KDM4C: variants seen among roughly 807,000 people sequenced by gnomAD.
KDM4C encodes the protein lysine-specific demethylase 4C.
Under a neutral mutation model 129.3 loss-of-function variants are expected in KDM4C, and 81 were observed. That is an observed-to-expected ratio of 0.63 (90% CI 0.52 to 0.75). KDM4C has a LOEUF of 0.75. KDM4C is among the 30% of genes least tolerant of loss of function. The probability of loss-of-function intolerance (pLI) is 0.00; values close to 1 mark genes in which losing one functional copy is unlikely to be tolerated. For missense variants in KDM4C, 1,457 were observed against 1,304.0 expected, an observed-to-expected ratio of 1.12 and a Z score of -1.81; for synonymous variants, 573 against 456.1, an observed-to-expected ratio of 1.26 and a Z score of -3.26.
At chr9:7,005,517 A>G (rs947217263) in intron 12 of KDM4C, among the ~76,000 whole-genome samples, 5 of 150,194 alleles carry the variant, frequency 3.3e-5, no homozygotes, top group African/African-American at 1.3e-4. Context: ...ACTCTAATTT[A>G]TTTAACTAAA....
At chr9:6,806,450 C>A (rs148869708) in intron 3 of KDM4C, among the ~76,000 whole-genome samples, 1 of 151,852 alleles carries the variant, frequency 6.6e-6, no homozygotes, top group Non-Finnish European at 1.5e-5. Context: ...GCCGAGATCA[C>A]GCCATTGCAC....
chr9:7,099,368 G>C (rs989761496), intron 17 of KDM4C, among the ~76,000 whole-genome samples: 7 of 152,256 alleles, frequency 4.6e-5, no homozygotes, highest in Middle Eastern at 3.4e-3. Flanking sequence ...GATATACAAA[G>C]CCTCATTGCC....
intron 2 of KDM4C, among the ~76,000 whole-genome samples, chr9:6,798,796 T>C (rs1828277271): frequency 6.6e-6 from 1 of 152,190 alleles, no homozygotes; most frequent in Admixed American, 6.5e-5. Context: ...GAGGGGCTCC[T>C]CACTTCCCCG....
intron 4 of KDM4C, among the ~76,000 whole-genome samples, chr9:6,832,057 C>G (rs76187140): frequency 3.9e-5 from 6 of 152,126 alleles, no homozygotes; most frequent in Admixed American, 3.9e-4. Flanking sequence ...TTGAATTTGT[C>G]GGCTGGGTGC....
intron 21 of KDM4C, among the ~76,000 whole-genome samples, chr9:7,173,278 A>G (rs1176049035): frequency 6.6e-6 from 1 of 152,228 alleles, no homozygotes; most frequent in Non-Finnish European, 1.5e-5. Flanking sequence ...CACAGAAATG[A>G]AACAGTGTGT....
intron 5 of KDM4C, among the ~76,000 whole-genome samples, chr9:6,856,162 T>G (rs990602915): frequency 6.9e-6 from 1 of 144,358 alleles, no homozygotes; most frequent in Non-Finnish European, 1.5e-5. Flanking sequence ...GAACTCTTTA[T>G]TTGAAGATCA....
chr9:6,802,095 A>C (rs1829098428), intron 2 of KDM4C, among the ~76,000 whole-genome samples: 1 of 148,732 alleles, frequency 6.7e-6, no homozygotes, highest in African/African-American at 2.5e-5. Flanking sequence ...ACAAAAGAGA[A>C]ACTTTGTCTC....
At chr9:7,023,801 T>A (rs755078399) in intron 15 of KDM4C, among the ~76,000 whole-genome samples, 14 of 152,220 alleles carry the variant, frequency 9.2e-5, no homozygotes, top group Non-Finnish European at 1.8e-4. Flanking sequence ...TTGCTTTTGC[T>A]GTATCCCATA....
At chr9:6,985,741 A>G (rs1324211696) in intron 10 of KDM4C, among the ~76,000 whole-genome samples, 1 of 152,144 alleles carries the variant, frequency 6.6e-6, no homozygotes, top group Non-Finnish European at 1.5e-5. Flanking sequence ...CCCAGGCTGG[A>G]GTGCCGTGGC....
At chr9:6,941,787 G>C (rs998521944) in intron 8 of KDM4C, 2 of 152,274 alleles carry the variant, frequency 1.3e-5, no homozygotes, top group African/African-American at 4.8e-5. Context: ...TCTGTACCTA[G>C]GAGTCTGTAG....
intron 17 of KDM4C, among the ~76,000 whole-genome samples, chr9:7,071,749 C>G (rs1289487150): frequency 6.6e-5 from 10 of 152,042 alleles, no homozygotes; most frequent in Non-Finnish European, 1.5e-5. Flanking sequence ...AAAATTTTGA[C>G]CCATTAAAAC....
chr9:7,010,886 C>CA (rs922774526), intron 12 of KDM4C, among the ~76,000 whole-genome samples: 3 of 151,476 alleles, frequency 2.0e-5, no homozygotes, highest in African/African-American at 4.9e-5. Context: ...ACTAAAAATA[C>CA]AAAAAAAATT....
chr9:6,737,700 A>C (rs2130245754), intron 1 of KDM4C, among the ~76,000 whole-genome samples: 1 of 151,454 alleles, frequency 6.6e-6, no homozygotes, highest in East Asian at 1.9e-4. Context: ...AGCAAAGGAC[A>C]TGAACAGATA....
At chr9:7,134,165 G>A (rs1425632517) in intron 19 of KDM4C, among the ~76,000 whole-genome samples, 1 of 152,194 alleles carries the variant, frequency 6.6e-6, no homozygotes, top group African/African-American at 2.4e-5. Flanking sequence ...GAGGTCTGCA[G>A]GCATGGCCCA....
At chr9:7,051,107 TAGC>T (rs1439050565) in intron 17 of KDM4C, among the ~76,000 whole-genome samples, 3 of 152,156 alleles carry the variant, frequency 2.0e-5, no homozygotes, top group African/African-American at 4.8e-5. Context: ...TGGATGAAAA[TAGC>T]AGCCTCTTGA....
At position 6,834,620 on chromosome 9, in the gene KDM4C, G is replaced by A. The variant is rs906011268; in HGVS notation, c.436-14887G>A. ...GGGTCGGAAGGACTCCCATGTGGGCGACGAGGCCTAGAGCAAGAGAGGCAT... is the reference window on the plus strand; with the variant it reads ...GGGTCGGAAGGACTCCCATGTGGGCAACGAGGCCTAGAGCAAGAGAGGCAT... On this transcript the variant is annotated intron_variant, in intron 4 of 21. Transcript: ENST00000381309. 3.7e-5 allele frequency: 28 copies of A among 762,918 alleles called. 1 individual carries two copies. The highest frequency in any genetic ancestry group is 2.8e-4 in the South Asian group (20 of 72,552). 47.3% of individuals were successfully genotyped at this position (762,918 alleles called of 1,614,324 possible). A position where few individuals can be genotyped will look rare whatever the true frequency, so the allele number is the denominator to read the frequency against.
At chr9:6,776,795 GGGTTT>G (rs1205463682) in intron 1 of KDM4C, among the ~76,000 whole-genome samples, 1 of 150,288 alleles carries the variant, frequency 6.7e-6, no homozygotes, top group Non-Finnish European at 1.5e-5. Flanking sequence ...AGTAGAGACA[GGGTTT>G]CACCATCTTG....
chr9:6,762,870 G>A (rs1358259984), intron 1 of KDM4C, among the ~76,000 whole-genome samples: 1 of 151,808 alleles, frequency 6.6e-6, no homozygotes, highest in African/African-American at 2.4e-5. Flanking sequence ...TGTTGGCCAG[G>A]CTGGGCTCGA....
At chr9:6,776,262 C>G (rs1588183226) in intron 1 of KDM4C, among the ~76,000 whole-genome samples, 1 of 152,080 alleles carries the variant, frequency 6.6e-6, no homozygotes, top group Non-Finnish European at 1.5e-5. Flanking sequence ...CCCCGCTCAA[C>G]ACATCTTTCT....
Sources: gnomAD v4.1 joint callset for allele counts (sites outside exome capture counted in the v4.1 genomes callset) on GRCh38, gnomAD v4.1.1 for gene constraint, MANE v1.5 for transcripts, NCBI Gene and HGNC (gene_info 2026-07-23, HGNC 2026-07-21) for gene names.